The following CYP24A1 variants were observed in gnomAD, a reference collection of about 807,000 sequenced individuals.
CYP24A1 encodes 1,25-dihydroxyvitamin D(3) 24-hydroxylase, mitochondrial.
CYP24A1 carries 68 observed loss-of-function variants against 62.4 expected under a neutral mutation model. That is an observed-to-expected ratio of 1.09 (90% confidence interval 0.90 to 1.33). The LOEUF (loss-of-function observed/expected upper bound fraction) is 1.33. CYP24A1 is among the 40% of genes most tolerant of loss of function. The pLI is 0.00. For missense variants in CYP24A1, 787 were observed against 653.0 expected, an observed-to-expected ratio of 1.21 and a Z score of -2.24; for synonymous variants, 267 against 253.0, an observed-to-expected ratio of 1.06 and a Z score of -0.52.
chr20:54,164,561 C>T lies in CYP24A1; in HGVS notation c.735G>A (p.Met245Ile), dbSNP rs114930663. ...AVNFIMAIKTMMSTFGRMMVT... is the reference protein window; with the variant it reads ...AVNFIMAIKTIMSTFGRMMVT... ...CCATCATCCTCCCAAACGTGCTCAT[C>T]ATCTGAGAGAAATGCAAATGCCTTT... The change falls in exon 6 of 12, where the codon ATG becomes ATA. Residue 245 changes from methionine to isoleucine, a missense_variant and splice_region_variant. By Grantham distance (10) the Met-to-Ile change is conservative. Transcript: ENST00000216862. The T allele has an allele frequency of 6.0e-4, 975 of 1,614,042 alleles. No individual in the cohort carries two copies. Among genetic ancestry groups the T allele is most frequent in the Non-Finnish European group, 7.6e-4 (897 of 1,180,014 alleles).
At chr20:54,160,118 C>T (rs2092644864) in intron 7 of CYP24A1, among the ~76,000 whole-genome samples, 1 of 152,196 alleles carries the variant, frequency 6.6e-6, no homozygotes, top group South Asian at 2.1e-4. Flanking sequence ...ACAGGCACTA[C>T]CTACACTGAG....
At chr20:54,155,464 TG>T (rs2092624218) in intron 11 of CYP24A1, among the ~76,000 whole-genome samples, 1 of 152,084 alleles carries the variant, frequency 6.6e-6, no homozygotes, top group Admixed American at 6.5e-5. Context: ...CCAGGGGTGG[TG>T]GCTCACACTT....
Position 54,164,582 on chromosome 20 carries a change from C to G in CYP24A1, c.733-19G>C. 1.9e-6 allele frequency: 3 copies of G among 1,614,092 alleles called. No homozygotes were observed. Among genetic ancestry groups the G allele is most frequent in the Non-Finnish European group, 2.5e-6 (3 of 1,179,984 alleles). ...TCATCATCTGAGAGAAATGCAAATG[C>G]CTTTTTATTCTGAATTCTCCTTCTC... On this transcript the variant is annotated intron_variant, in intron 5 of 11. Coordinates refer to ENST00000216862, the MANE Select transcript of CYP24A1 (RefSeq NM_000782.5).
chr20:54,171,549 C>T, intron 3 of CYP24A1, 28 bp downstream of exon 3: 1 of 1,613,824 alleles, frequency 6.2e-7, no homozygotes, highest in Non-Finnish European at 8.5e-7. Context: ...CCCACGAGCC[C>T]CAGGAAAGCT....
chr20:54,145,629 G>A, the CYP24A1 span, among the ~76,000 whole-genome samples: 2 of 115,326 alleles, frequency 1.7e-5, no homozygotes, highest in Non-Finnish European at 3.3e-5. Context: ...AATAGAGCCA[G>A]ACTCTGTCTC....
In CYP24A1 at chr20:54,171,557, G is replaced by C. The variant is rs749468947; in HGVS notation, c.543+20C>G. ...CTATGTCCCCACGAGCCCCAGGAAA[G>C]CTGGCCCCAGCCTGCAGACCTCATT... is the stretch of plus-strand genomic sequence containing the variant. On this transcript the variant is annotated intron_variant, in intron 3 of 11. Coordinates refer to ENST00000216862, the MANE Select transcript of CYP24A1 (RefSeq NM_000782.5). The C allele has an allele frequency of 2.6e-5, 42 of 1,613,768 alleles. No homozygotes were observed. Among genetic ancestry groups the C allele is most frequent in the Admixed American group, 3.3e-5 (2 of 59,988 alleles).
rs920811482 is a variant in CYP24A1 at position 54,162,522 on chromosome 20, C to G, written c.990+195G>C. ...AGGCACCGTGGCGTCTGGTATGAGG[C>G]CGTGCGCTGAGGCACCGTGGCATAG... On this transcript the variant is annotated intron_variant, in intron 7 of 11. Coordinates refer to ENST00000216862, the MANE Select transcript of CYP24A1 (RefSeq NM_000782.5). The G allele has an allele frequency of 6.7e-6, 4 of 597,952 alleles. No individual in the cohort carries two copies. The Admixed American group carries it at 7.6e-5, about 11-fold the overall frequency. The allele number at this position is 597,952 out of a possible 1,614,324, so 37.0% of individuals were successfully genotyped here.
rs114050252 is a variant in CYP24A1, at chr20:54,170,526, G to A, written c.544-838C>T. Among the ~76,000 whole-genome samples the A allele has an allele frequency of 8.8e-3, 1,333 of 152,022 alleles. 21 individuals are homozygous for A. The highest frequency in any genetic ancestry group is 0.031 in the African/African-American group (1,271 of 41,346). On this transcript the variant is annotated intron_variant, in intron 3 of 11. Coordinates refer to ENST00000216862, the MANE Select transcript of CYP24A1 (RefSeq NM_000782.5). ...TTTAGTTTGCAAGTTTAATTTGCCC[G>A]CATAGCGCATTTAAAAGTTCTTTGA...
chr20:54,149,935 A>G (rs768646622), downstream of CYP24A1, among the ~76,000 whole-genome samples: 12 of 152,326 alleles, frequency 7.9e-5, no homozygotes, highest in South Asian at 1.0e-3. Context: ...ACATAAGCCA[A>G]CTACTTTAGG....
At position 54,157,542 on chromosome 20, in the gene CYP24A1, T is replaced by C; in HGVS notation, c.1280A>G (p.Asp427Gly). Residue 427 changes from aspartate to glycine, a missense_variant, in exon 10 of 12, where the codon GAC (aspartate) becomes GGC (glycine). Transcript: ENST00000216862. Reference protein sequence around the residue: ...LNTQVLGSSEDNFEDSSQFRP... With the variant: ...LNTQVLGSSEGNFEDSSQFRP... ...AAACTGACTTGAATCTTCAAAATTG[T>C]CTTCACTGGATCCCAACACCTGGGT... is the stretch of plus-strand genomic sequence containing the variant. 1 of 1,605,150 alleles carries C rather than the reference T, an allele frequency of 6.2e-7. No homozygotes were observed. Among genetic ancestry groups the C allele is most frequent in the Non-Finnish European group, 8.5e-7 (1 of 1,171,814 alleles).
downstream of CYP24A1, among the ~76,000 whole-genome samples, chr20:54,151,155 C>A (rs1361730669): frequency 6.6e-6 from 1 of 152,118 alleles, no homozygotes; most frequent in African/African-American, 2.4e-5. Context: ...ATATGCTAAA[C>A]AAGGGGTGGG....
chr20:54,165,888 C>T, intron 4 of CYP24A1, 55 bp from the exon 5 acceptor site: 3 of 906,358 alleles, frequency 3.3e-6, no homozygotes, highest in Admixed American at 3.4e-5. Flanking sequence ...GAGTTGGAGT[C>T]TATGTTTAGC....
chr20:54,158,514 T>C (rs2146467228), intron 8 of CYP24A1, among the ~76,000 whole-genome samples: 1 of 152,322 alleles, frequency 6.6e-6, no homozygotes. Context: ...AAGTTGACAG[T>C]ATCCTTCTAA....
At chr20:54,149,209 CG>C (rs1397536016), downstream of CYP24A1, among the ~76,000 whole-genome samples, 1 of 152,164 alleles carries the variant, frequency 6.6e-6, no homozygotes, top group African/African-American at 2.4e-5. Context: ...TCCCAGGACT[CG>C]TGCCAAGTTG....
At position 54,157,547 on chromosome 20, in the gene CYP24A1, A is replaced by G; in HGVS notation, c.1275T>C (p.Ser425=). 1 of 1,603,812 alleles carries G rather than the reference A, an allele frequency of 6.2e-7. No homozygotes were observed. Among genetic ancestry groups the G allele is most frequent in the Non-Finnish European group, 8.5e-7 (1 of 1,170,598 alleles). ...GACTTGAATCTTCAAAATTGTCTTC[A>G]CTGGATCCCAACACCTGGGTATTTA... is the stretch of plus-strand genomic sequence containing the variant. ...LMLNTQVLGS[S]EDNFEDSSQF... The change falls in exon 10 of 12, where the codon AGT becomes AGC. Residue 425 remains serine (S), a synonymous_variant. Transcript: ENST00000216862.
chr20:54,146,115 A>C, the CYP24A1 span, among the ~76,000 whole-genome samples: 1 of 152,234 alleles, frequency 6.6e-6, no homozygotes, highest in Admixed American at 6.5e-5. Context: ...AATGTAATAC[A>C]CTTAATATAA....
At position 54,162,220 on chromosome 20, in the gene CYP24A1, C is replaced by CTTTTTTTT. The variant is rs530338632; in HGVS notation, c.990+489_990+496dup. ...ATTATTGGCTTGAAAGAGAGTATGC[C>CTTTTTTTT]TTTTTTTTTTTTTTTTTTTTTTTTT... is the stretch of plus-strand genomic sequence containing the variant. On this transcript the variant is annotated intron_variant, in intron 7 of 11. Coordinates refer to ENST00000216862, the MANE Select transcript of CYP24A1 (RefSeq NM_000782.5). Among the ~76,000 whole-genome samples the CTTTTTTTT allele has an allele frequency of 3.9e-4, 28 of 72,544 alleles. 4 individuals are homozygous for CTTTTTTTT. Among genetic ancestry groups the CTTTTTTTT allele is most frequent in the African/African-American group, 1.6e-3 (26 of 15,872 alleles). The allele number at this position is 72,544 out of a possible 152,430, so 47.6% of individuals were successfully genotyped here.
At chr20:54,143,770 A>G in the CYP24A1 span, among the ~76,000 whole-genome samples, 1 of 152,132 alleles carries the variant, frequency 6.6e-6, no homozygotes, top group Non-Finnish European at 1.5e-5. Flanking sequence ...ATGGAAAAAG[A>G]AAAGCCAAAC....
chr20:54,173,408 G>T lies in CYP24A1; in HGVS notation c.172C>A (p.Leu58Met). The T allele has an allele frequency of 6.3e-7, 1 of 1,578,220 alleles. No homozygotes were observed. The change falls in exon 1 of 12, where the codon CTG (leucine) becomes ATG (methionine). Residue 58 changes from leucine to methionine, a missense_variant. Coordinates refer to ENST00000216862, the MANE Select transcript of CYP24A1 (RefSeq NM_000782.5). This position sits in a 1 kb window ranked among gnomAD's most constrained non-coding sequence, Gnocchi z 7.2. ...AGGETQNAAA[L>M]PGPTSWPLLG... ...AGTGGCCAGCTGGTGGGGCCCGGCAGGGCGGCCGCGTTCTGAGTCTCGCCA... is the reference window on the plus strand; with the variant it reads ...AGTGGCCAGCTGGTGGGGCCCGGCATGGCGGCCGCGTTCTGAGTCTCGCCA...
Sources: gnomAD v4.1 joint callset for allele counts (sites outside exome capture counted in the v4.1 genomes callset) on GRCh38, gnomAD v4.1.1 for gene constraint, Gnocchi (gnomAD v3.1) non-coding constraint, MANE v1.5 for transcripts, NCBI Gene and HGNC (gene_info 2026-07-23, HGNC 2026-07-21) for gene names.